FGF5: variants seen among roughly 807,000 people sequenced by gnomAD.
FGF5 encodes fibroblast growth factor 5, also known as heparin-binding growth factor 5.
A neutral mutation model predicts 21.8 loss-of-function variants in FGF5; 23 were observed. That is an observed-to-expected ratio of 1.05 (90% CI 0.76 to 1.49). FGF5 has a LOEUF of 1.49. Among genes scored for constraint, FGF5 ranks in the 40% most tolerant of loss-of-function variants. The pLI is 0.00. For missense variants in FGF5, 352 were observed against 332.9 expected (o/e 1.06, Z -0.45); for synonymous variants, 158 against 124.0 (o/e 1.27, Z -1.82).
Position 80,266,664 on chromosome 4 carries a change from G to C in FGF5, c.-161G>C. ...TATCCCGGTGCCAGCGCGGAGATCC[G>C]CTCGGGTGGCCTCTCTCTTCCCCTC... On this transcript the variant is annotated 5_prime_UTR_variant, in exon 1 of 3. Coordinates refer to ENST00000312465, the MANE Select transcript of FGF5 (RefSeq NM_004464.4). 1.6e-6 allele frequency: 1 copy of C among 619,118 alleles called. No individual in the cohort carries two copies. Among genetic ancestry groups the C allele is most frequent in the Non-Finnish European group, 2.8e-6 (1 of 359,014 alleles). The allele number at this position is 619,118 out of a possible 1,614,324, so 38.4% of individuals were successfully genotyped here. A position where few individuals can be genotyped will look rare whatever the true frequency, so the allele number is the denominator to read the frequency against.
At chr4:80,283,077 T>G (rs1720602527) in intron 2 of FGF5, among the ~76,000 whole-genome samples, 1 of 152,240 alleles carries the variant, frequency 6.6e-6, no homozygotes, top group Non-Finnish European at 1.5e-5. Flanking sequence ...TCCTTCAAGA[T>G]GAGTAAATTC....
In FGF5 at chr4:80,288,671, T is replaced by C. The variant is rs1358433232; in HGVS notation, c.*1999T>C. 2 of 152,516 alleles carry C rather than the reference T, an allele frequency of 1.3e-5. No individual in the cohort carries two copies. The highest frequency in any genetic ancestry group is 2.4e-5 in the African/African-American group (1 of 41,424). The allele number at this position is 152,516 out of a possible 1,614,324, so 9.4% of individuals were successfully genotyped here. A position where few individuals can be genotyped will look rare whatever the true frequency, so the allele number is the denominator to read the frequency against. On this transcript the variant is annotated 3_prime_UTR_variant, in exon 3 of 3. Transcript: ENST00000312465. ...CCAAGTTCTTAGGGCACATGAAAAA[T>C]TTTAGCTGCCAAACAGGAACTAGTA...
At chr4:80,279,483 A>G (rs909194731) in intron 2 of FGF5, among the ~76,000 whole-genome samples, 3 of 152,144 alleles carry the variant, frequency 2.0e-5, no homozygotes. Context: ...ACTCCTATTT[A>G]TCACTGACCT....
Position 80,288,754 on chromosome 4 carries a change from C to A in FGF5, c.*2082C>A, listed in dbSNP as rs75591764. The A allele has an allele frequency of 2.4e-3, 360 of 152,574 alleles. No homozygotes were observed. The highest frequency in any genetic ancestry group is 3.5e-3 in the Non-Finnish European group (237 of 67,980). 9.5% of individuals were successfully genotyped at this position (152,574 alleles called of 1,614,324 possible). A position where few individuals can be genotyped will look rare whatever the true frequency, so the allele number is the denominator to read the frequency against. Reference sequence around the variant, plus strand: ...AATAATGATGGTCAACAATAAGCCACGTCAATGCATAAGTTGTATAGGCTA... The same window carrying A: ...AATAATGATGGTCAACAATAAGCCAAGTCAATGCATAAGTTGTATAGGCTA... On this transcript the variant is annotated 3_prime_UTR_variant, in exon 3 of 3. Coordinates refer to ENST00000312465, the MANE Select transcript of FGF5 (RefSeq NM_004464.4).
At chr4:80,275,838 T>C (rs1028852222) in intron 2 of FGF5, among the ~76,000 whole-genome samples, 1 of 152,078 alleles carries the variant, frequency 6.6e-6, no homozygotes, top group Admixed American at 6.6e-5. Flanking sequence ...TTTCTTCACA[T>C]TAAAACATTT....
chr4:80,286,714 G>T lies in FGF5; in HGVS notation c.*42G>T. 1 of 1,517,122 alleles carries T rather than the reference G, an allele frequency of 6.6e-7. No individual in the cohort carries two copies. Among genetic ancestry groups the T allele is most frequent in the South Asian group, 1.2e-5 (1 of 86,754 alleles). The allele number at this position is 1,517,122 out of a possible 1,614,324, so 94.0% of individuals were successfully genotyped here. On this transcript the variant is annotated 3_prime_UTR_variant, in exon 3 of 3. Coordinates refer to ENST00000312465, the MANE Select transcript of FGF5 (RefSeq NM_004464.4). ...GTGAGAAACCATTCTTTCCCCTCAG[G>T]AGTTTCTATAGGTGTCTTCAGAGTT...
rs1448151656 is a variant in FGF5, at chr4:80,290,428, C to G, written c.*3756C>G. On this transcript the variant is annotated 3_prime_UTR_variant, in exon 3 of 3. Transcript: ENST00000312465. Reference sequence around the variant, plus strand: ...TAGCAGAGACAAAGAGTTACCTCCTCCATCTTACTCTGCCCTATTTGAAAG... The same window carrying G: ...TAGCAGAGACAAAGAGTTACCTCCTGCATCTTACTCTGCCCTATTTGAAAG... 1 of 152,120 alleles carries G rather than the reference C, an allele frequency of 6.6e-6. No individual in the cohort carries two copies. Among genetic ancestry groups the G allele is most frequent in the Non-Finnish European group, 1.5e-5 (1 of 68,034 alleles). The allele number at this position is 152,120 out of a possible 1,614,324, so 9.4% of individuals were successfully genotyped here.
Position 80,290,002 on chromosome 4 carries a change from C to T in FGF5, c.*3330C>T, listed in dbSNP as rs764457205. ...AATAGAAAATGTAATAACTTTCTTACCATTAACATTTTTTACCCTTCCATA... is the reference window on the plus strand; with the variant it reads ...AATAGAAAATGTAATAACTTTCTTATCATTAACATTTTTTACCCTTCCATA... On this transcript the variant is annotated 3_prime_UTR_variant, in exon 3 of 3. Coordinates refer to ENST00000312465, the MANE Select transcript of FGF5 (RefSeq NM_004464.4). 1 of 152,030 alleles carries T rather than the reference C, an allele frequency of 6.6e-6. No homozygotes were observed. The highest frequency in any genetic ancestry group is 2.4e-5 in the African/African-American group (1 of 41,398). The allele number at this position is 152,030 out of a possible 1,614,324, so 9.4% of individuals were successfully genotyped here.
rs756574088 is a variant in FGF5, at chr4:80,274,944, G to T, written c.391G>T (p.Val131Leu). The change falls in exon 2 of 3, where the codon GTA (valine) becomes TTA (leucine). Residue 131 changes from valine (V) to leucine (L), a missense_variant. By Grantham distance (32) the Val-to-Leu change is conservative. Coordinates refer to ENST00000312465, the MANE Select transcript of FGF5 (RefSeq NM_004464.4). ...LEIFAVSQGIVGIRGVFSNKF... is the reference protein window; with the variant it reads ...LEIFAVSQGILGIRGVFSNKF... ...AATATTTGCTGTGTCTCAGGGGATT[G>T]TAGGAATACGAGGAGTTTTCAGCAA... is the stretch of plus-strand genomic sequence containing the variant. 1 of 1,597,588 alleles carries T rather than the reference G, an allele frequency of 6.3e-7. No homozygotes were observed. The highest frequency in any genetic ancestry group is 1.1e-5 in the South Asian group (1 of 89,312).
chr4:80,280,574 T>A (rs187812917), intron 2 of FGF5, among the ~76,000 whole-genome samples: 2 of 152,276 alleles, frequency 1.3e-5, no homozygotes, highest in East Asian at 3.9e-4. Context: ...ACAGGTCTAT[T>A]CTGGCACTTA....
At chr4:80,281,983 A>G (rs1245666405) in intron 2 of FGF5, among the ~76,000 whole-genome samples, 2 of 151,084 alleles carry the variant, frequency 1.3e-5, no homozygotes, top group Non-Finnish European at 2.9e-5. Flanking sequence ...TTTTTTTGAG[A>G]TAGAGTTTTG....
At chr4:80,281,449 A>AAC (rs1720553078) in intron 2 of FGF5, among the ~76,000 whole-genome samples, 1 of 152,168 alleles carries the variant, frequency 6.6e-6, no homozygotes, top group East Asian at 1.9e-4. Flanking sequence ...GATTATTTAT[A>AAC]TTTGGCTTTT....
chr4:80,279,824 T>C (rs1302625144), intron 2 of FGF5, among the ~76,000 whole-genome samples: 1 of 152,234 alleles, frequency 6.6e-6, no homozygotes, highest in African/African-American at 2.4e-5. Flanking sequence ...ATTATTTTTG[T>C]TTCTCAGGGT....
rs1162363187 is a variant in FGF5, at chr4:80,287,667, A to G, written c.*995A>G. 1.3e-5 allele frequency: 2 copies of G among 152,196 alleles called. No homozygotes were observed. The highest frequency in any genetic ancestry group is 2.9e-5 in the Non-Finnish European group (2 of 68,030). The allele number at this position is 152,196 out of a possible 1,614,324, so 9.4% of individuals were successfully genotyped here. ...AATTCAAGTGCTTAAAAATACTTCT[A>G]TGACTCTCTGCTATCCCACTGTATA... is the stretch of plus-strand genomic sequence containing the variant. On this transcript the variant is annotated 3_prime_UTR_variant, in exon 3 of 3. Transcript: ENST00000312465.
At position 80,281,550 on chromosome 4, in the gene FGF5, C is replaced by A. The variant is rs59573554; in HGVS notation, c.460-4775C>A. ...ATCATTAAAATTGATTAAGTACACACAAATTCCAAGGTTTATACTGGTGTC... is the reference window on the plus strand; with the variant it reads ...ATCATTAAAATTGATTAAGTACACAAAAATTCCAAGGTTTATACTGGTGTC... On this transcript the variant is annotated intron_variant, in intron 2 of 2. Coordinates refer to ENST00000312465, the MANE Select transcript of FGF5 (RefSeq NM_004464.4). Among the ~76,000 whole-genome samples the A allele has an allele frequency of 1.1e-3, 162 of 152,220 alleles. 1 individual carries two copies. Among genetic ancestry groups the A allele is most frequent in the African/African-American group, 3.7e-3 (153 of 41,504 alleles).
chr4:80,268,425 C>A lies in FGF5; in HGVS notation c.355+1246C>A, dbSNP rs35783639. 2,209 of 949,774 alleles carry A rather than the reference C, an allele frequency of 2.3e-3. 35 individuals carry two copies. In the African/African-American group the frequency reaches 0.036, roughly 15 times the overall value. 58.8% of individuals were successfully genotyped at this position (949,774 alleles called of 1,614,324 possible). Reference sequence around the variant, plus strand: ...TCAGCCTGGTTGCTCCTAGATGTTCCTAACTTGCTCCATCTCAGACCAAAG... The same window carrying A: ...TCAGCCTGGTTGCTCCTAGATGTTCATAACTTGCTCCATCTCAGACCAAAG... On this transcript the variant is annotated intron_variant, in intron 1 of 2. Transcript: ENST00000312465.
At position 80,286,796 on chromosome 4, in the gene FGF5, G is replaced by A. The variant is rs563131467; in HGVS notation, c.*124G>A. 47 of 710,236 alleles carry A rather than the reference G, an allele frequency of 6.6e-5. No individual in the cohort carries two copies. The highest frequency in any genetic ancestry group is 4.7e-4 in the African/African-American group (26 of 55,908). The allele number at this position is 710,236 out of a possible 1,614,324, so 44.0% of individuals were successfully genotyped here. On this transcript the variant is annotated 3_prime_UTR_variant, in exon 3 of 3. Coordinates refer to ENST00000312465, the MANE Select transcript of FGF5 (RefSeq NM_004464.4). Reference sequence around the variant, plus strand: ...TATACTTACACTGTATTGAAGTCACGTCATTTGTTTCAATGTGACTGAAAC... The same window carrying A: ...TATACTTACACTGTATTGAAGTCACATCATTTGTTTCAATGTGACTGAAAC...
intron 2 of FGF5, among the ~76,000 whole-genome samples, chr4:80,282,368 A>G (rs1376446437): frequency 6.6e-6 from 1 of 151,828 alleles, no homozygotes; most frequent in Non-Finnish European, 1.5e-5. Flanking sequence ...TTTTTTGTCA[A>G]TTAGGAGTAT....
rs1182178677 is a variant in FGF5, at chr4:80,266,888, G to C, written c.64G>C (p.Gly22Arg). ...SHLILSAWAH[G>R]EKRLAPKGQP... Reference sequence around the variant, plus strand: ...CCTGATCCTCAGCGCCTGGGCTCACGGGGAGAAGCGTCTCGCCCCCAAAGG... The same window carrying C: ...CCTGATCCTCAGCGCCTGGGCTCACCGGGAGAAGCGTCTCGCCCCCAAAGG... Residue 22 changes from glycine (G) to arginine (R), a missense_variant, in exon 1 of 3, where the codon GGG becomes CGG. Gly to Arg is a moderately radical substitution (Grantham distance 125). Transcript: ENST00000312465. 2 of 1,613,250 alleles carry C rather than the reference G, an allele frequency of 1.2e-6. No homozygotes were observed. Among genetic ancestry groups the C allele is most frequent in the Admixed American group, 1.7e-5 (1 of 59,912 alleles).
Sources: allele counts gnomAD v4.1 joint callset (sites outside exome capture counted in the v4.1 genomes callset), GRCh38; gene constraint gnomAD v4.1.1; transcripts MANE v1.5; gene names NCBI Gene and HGNC (gene_info 2026-07-23, HGNC 2026-07-21).